The following SDC3 variants were observed in gnomAD, a reference collection of about 807,000 sequenced individuals.
SDC3 encodes syndecan-3.
SDC3 carries 13 observed loss-of-function variants against 24.4 expected under a neutral mutation model. The ratio of observed to expected loss-of-function variants is 0.53; its 90% CI spans 0.35 to 0.85. The LOEUF (loss-of-function observed/expected upper bound fraction) is 0.85, where lower values mean the gene tolerates loss of function less well. Among genes scored for constraint, SDC3 ranks in the 40% least tolerant of loss-of-function variants. The pLI, the probability that SDC3 is intolerant of heterozygous loss-of-function variation, is 0.01. For synonymous variants in SDC3, 295 were observed against 260.9 expected, an observed-to-expected ratio of 1.13 and a Z score of -1.26; for missense variants, 571 against 584.5, an observed-to-expected ratio of 0.98 and a Z score of 0.24.
chr1:30,895,896 C>T (rs972695683), intron 1 of SDC3, among the ~76,000 whole-genome samples: 4 of 151,582 alleles, frequency 2.6e-5, no homozygotes, highest in Non-Finnish European at 4.4e-5. Context: ...TGAGCAGAGA[C>T]GGAGGAGGAG....
At chr1:30,906,645 C>T (rs1638524760) in intron 1 of SDC3, among the ~76,000 whole-genome samples, 2 of 152,136 alleles carry the variant, frequency 1.3e-5, no homozygotes, top group African/African-American at 2.4e-5. Flanking sequence ...CGTCAGTCAT[C>T]CCATTGAATT....
chr1:30,891,909 T>A (rs1235588543), intron 1 of SDC3, among the ~76,000 whole-genome samples: 1 of 150,230 alleles, frequency 6.7e-6, no homozygotes, highest in Non-Finnish European at 1.5e-5. Context: ...TGCCTTAGAC[T>A]GCCAGGCAGG....
intron 1 of SDC3, among the ~76,000 whole-genome samples, chr1:30,882,778 G>T (rs1639765405): frequency 1.3e-5 from 2 of 152,146 alleles, no homozygotes; most frequent in African/African-American, 4.8e-5. Flanking sequence ...ACCACCATGA[G>T]CCTTCCTAGA....
Position 30,878,756 on chromosome 1 carries a change from G to A in SDC3, c.139-16C>T, listed in dbSNP as rs762799436. 2 of 1,609,978 alleles carry A rather than the reference G, an allele frequency of 1.2e-6. No individual in the cohort carries two copies. Among genetic ancestry groups the A allele is most frequent in the South Asian group, 1.1e-5 (1 of 91,026 alleles). On this transcript the variant is annotated splice_polypyrimidine_tract_variant and intron_variant, in intron 1 of 4. Coordinates refer to ENST00000339394, the MANE Select transcript of SDC3 (RefSeq NM_014654.4). ...AGCGCTGGGCCTAGGGAAGGTAGAG[G>A]TGGACACAGGGCTCGGCACCCGAGA...
rs374231936 is a variant in SDC3 at position 30,899,932 on chromosome 1, T to A, written c.138+8517A>T. Among the ~76,000 whole-genome samples the A allele has an allele frequency of 1.1e-3, 174 of 152,304 alleles. 5 individuals are homozygous for A. In the South Asian group the frequency reaches 0.033, roughly 29 times the overall value. On this transcript the variant is annotated intron_variant, in intron 1 of 4. Coordinates refer to ENST00000339394, the MANE Select transcript of SDC3 (RefSeq NM_014654.4). The stretch of plus-strand genomic sequence containing the variant: ...AATGTCTGCTGAGTGAGCAACGCAG[T>A]CAATCAAGACAGGCGCCCATGCAGG...
In SDC3 at chr1:30,874,488, G is replaced by A. The variant is rs1639597526; in HGVS notation, c.971C>T (p.Thr324Ile). 1 of 1,614,148 alleles carries A rather than the reference G, an allele frequency of 6.2e-7. No individual in the cohort carries two copies. Among genetic ancestry groups the A allele is most frequent in the Non-Finnish European group, 8.5e-7 (1 of 1,180,034 alleles). The change falls in exon 4 of 5, where the codon ACC becomes ATC. Residue 324 changes from threonine (T) to isoleucine (I), a missense_variant. Thr to Ile is a moderately conservative substitution (Grantham distance 89). Transcript: ENST00000339394. ...CTCATTGGCTGTGTCTGGTTGTGTG[G>A]TCTCTTCTTCTGGCAGCTCGAAGTC... ...SGDFELPEEE[T>I]TQPDTANEVV...
Position 30,872,917 on chromosome 1 carries a change from G to A in SDC3, c.*294C>T. On this transcript the variant is annotated 3_prime_UTR_variant, in exon 5 of 5. Transcript: ENST00000339394. ...CTTTCTTCCACCACCAGCCAATCAG[G>A]AGCTTTCTTCCTCCCATCCATCTGA... 1 of 400,672 alleles carries A rather than the reference G, an allele frequency of 2.5e-6. No individual in the cohort carries two copies. The highest frequency in any genetic ancestry group is 4.5e-6 in the Non-Finnish European group (1 of 223,560). 24.8% of individuals were successfully genotyped at this position (400,672 alleles called of 1,614,324 possible).
At chr1:30,904,829 G>C (rs1638484118) in intron 1 of SDC3, among the ~76,000 whole-genome samples, 1 of 152,144 alleles carries the variant, frequency 6.6e-6, no homozygotes, top group African/African-American at 2.4e-5. Context: ...CTCCCAGAAA[G>C]GTCCCATCTC....
At chr1:30,873,588 G>A (rs1057432840) in intron 4 of SDC3, among the ~76,000 whole-genome samples, 2 of 152,008 alleles carry the variant, frequency 1.3e-5, no homozygotes, top group African/African-American at 2.4e-5. Context: ...CTAACTCACT[G>A]AACCCTCACA....
chr1:30,891,464 G>A (rs564808640), intron 1 of SDC3, among the ~76,000 whole-genome samples: 40 of 152,286 alleles, frequency 2.6e-4, no homozygotes, highest in South Asian at 2.1e-3. Flanking sequence ...GAAGGTGCTC[G>A]GTAGCCCCGT....
chr1:30,881,272 A>ACACAC (rs1332996896), intron 1 of SDC3: 1 of 153,672 alleles, frequency 6.5e-6, no homozygotes, highest in East Asian at 1.9e-4. Context: ...ACAGACACAC[A>ACACAC]CACACACTCC....
intron 1 of SDC3, among the ~76,000 whole-genome samples, chr1:30,905,981 A>ACACG (rs1638512335): frequency 6.6e-6 from 1 of 151,708 alleles, no homozygotes; most frequent in Non-Finnish European, 1.5e-5. Flanking sequence ...ACACACACAC[A>ACACG]CACACACAAA....
At chr1:30,878,094 T>C (rs930237922) in intron 2 of SDC3, 1 of 152,968 alleles carries the variant, frequency 6.5e-6, no homozygotes, top group African/African-American at 2.4e-5. Context: ...TTTCTCACCA[T>C]CCACAGGTGA....
rs1336618679 is a variant in SDC3 at position 30,904,365 on chromosome 1, G to GC, written c.138+4083dup. 5.8e-4 allele frequency among the ~76,000 whole-genome samples: 88 copies of GC among 152,050 alleles called. 1 individual carries two copies. The highest frequency in any genetic ancestry group is 1.7e-3 in the African/African-American group (70 of 41,456). The stretch of plus-strand genomic sequence containing the variant: ...GACCTCTCTCTCCCACTTGGGATGA[G>GC]CCCCCCCTCGCTCTCCCCACCACTG... On this transcript the variant is annotated intron_variant, in intron 1 of 4. Transcript: ENST00000339394.
intron 2 of SDC3, 186 bp downstream of exon 2, chr1:30,878,437 G>C (rs572317338): frequency 1.8e-6 from 1 of 571,180 alleles, no homozygotes; most frequent in African/African-American, 1.9e-5. Context: ...CCCAGGTCTT[G>C]TTCTATCCCC....
intron 1 of SDC3, among the ~76,000 whole-genome samples, chr1:30,888,459 A>G (rs1639862583): frequency 6.6e-6 from 1 of 152,180 alleles, no homozygotes; most frequent in Admixed American, 6.5e-5. Context: ...AACCTGCTGG[A>G]GTCAGCCTGA....
In SDC3 at chr1:30,877,010, G is replaced by A; in HGVS notation, c.412C>T (p.Pro138Ser). 1 of 1,613,798 alleles carries A rather than the reference G, an allele frequency of 6.2e-7. No individual in the cohort carries two copies. Among genetic ancestry groups the A allele is most frequent in the African/African-American group, 1.3e-5 (1 of 75,044 alleles). Reference sequence around the variant, plus strand: ...GTCACCACCAGGGGGCTGGTGGCTGGCTCCAGGGTGGGGCGCTCAGAGGGG... The same window carrying A: ...GTCACCACCAGGGGGCTGGTGGCTGACTCCAGGGTGGGGCGCTCAGAGGGG... ...ELPSERPTLEPATSPLVVTEV... is the reference protein window; with the variant it reads ...ELPSERPTLESATSPLVVTEV... The change falls in exon 3 of 5, where the codon CCA becomes TCA. Residue 138 changes from proline to serine, a missense_variant. Coordinates refer to ENST00000339394, the MANE Select transcript of SDC3 (RefSeq NM_014654.4).
intron 1 of SDC3, among the ~76,000 whole-genome samples, chr1:30,900,636 C>G (rs531440078): frequency 6.6e-6 from 1 of 152,186 alleles, no homozygotes; most frequent in Non-Finnish European, 1.5e-5. Flanking sequence ...GCATCCCCCA[C>G]GGAGCACCCC....
chr1:30,904,376 C>T (rs2124345881), intron 1 of SDC3, among the ~76,000 whole-genome samples: 1 of 152,288 alleles, frequency 6.6e-6, no homozygotes, highest in East Asian at 1.9e-4. Flanking sequence ...CCCCCCCTCG[C>T]TCTCCCCACC....
Sources: gnomAD v4.1 joint callset for allele counts (sites outside exome capture counted in the v4.1 genomes callset) on GRCh38, gnomAD v4.1.1 for gene constraint, MANE v1.5 for transcripts, NCBI Gene and HGNC (gene_info 2026-07-23, HGNC 2026-07-21) for gene names.